The following BICC1 variants were observed in gnomAD, a reference collection of about 807,000 sequenced individuals.
The protein encoded by BICC1 is BicC family RNA binding protein 1.
A neutral mutation model predicts 111.0 loss-of-function variants in BICC1; 43 were observed. That is an observed-to-expected ratio of 0.39 (90% confidence interval 0.30 to 0.50). BICC1 has a LOEUF of 0.50. Ranked by LOEUF, BICC1 falls within the 20% of genes least tolerant of loss-of-function variation. The pLI is 0.88. For missense variants in BICC1, 1,091 were observed against 1,203.2 expected (o/e 0.91, Z 1.38); for synonymous variants, 467 against 434.4 (o/e 1.07, Z -0.93).
chr10:58,633,995 C>T (rs140325424), intron 2 of BICC1, among the ~76,000 whole-genome samples: 36 of 99,826 alleles, frequency 3.6e-4, no homozygotes, highest in East Asian at 1.1e-3. Context: ...TTTTTCTTTT[C>T]TTTTTTTTTT....
intron 15 of BICC1, among the ~76,000 whole-genome samples, chr10:58,804,836 A>G (rs1233453271): frequency 6.6e-6 from 1 of 152,234 alleles, no homozygotes; most frequent in Non-Finnish European, 1.5e-5. Flanking sequence ...ATATTCACTG[A>G]GCATTGACAG....
chr10:58,690,298 AT>A (rs5785338), intron 2 of BICC1, among the ~76,000 whole-genome samples: 39,375 of 152,066 alleles, frequency 0.26, 6,581 homozygotes, highest in African/African-American at 0.48. Flanking sequence ...TGTGAAAGAG[AT>A]ACATTTTTCT....
chr10:58,655,611 CAAT>C (rs1490448122), intron 2 of BICC1, among the ~76,000 whole-genome samples: 1 of 74,384 alleles, frequency 1.3e-5, no homozygotes, highest in East Asian at 3.5e-4. Context: ...TCTAGATATA[CAAT>C]CATGTCGTCT....
chr10:58,706,958 C>T (rs1051441731), intron 3 of BICC1, among the ~76,000 whole-genome samples: 1 of 152,150 alleles, frequency 6.6e-6, no homozygotes, highest in Non-Finnish European at 1.5e-5. Flanking sequence ...ATGAGTGAAG[C>T]TTTATTGCAG....
chr10:58,570,518 G>A (rs562928480), intron 1 of BICC1, among the ~76,000 whole-genome samples: 1 of 152,160 alleles, frequency 6.6e-6, no homozygotes, highest in African/African-American at 2.4e-5. Flanking sequence ...GTTGAAAGAG[G>A]GTGAAGTGAA....
intron 3 of BICC1, among the ~76,000 whole-genome samples, chr10:58,707,720 G>A (rs924664203): frequency 6.6e-6 from 1 of 151,614 alleles, no homozygotes; most frequent in Non-Finnish European, 1.5e-5. Context: ...TATTTGAGAT[G>A]GAGTTTTGCT....
At chr10:58,793,368 T>C in intron 8 of BICC1, 116 bp from the exon 9 acceptor site, 1 of 984,360 alleles carries the variant, frequency 1.0e-6, no homozygotes, top group Non-Finnish European at 1.5e-6. Context: ...GCTTTAATAC[T>C]TCAGTTTAGT....
At chr10:58,716,227 A>G in intron 3 of BICC1, 2 of 1,495,996 alleles carry the variant, frequency 1.3e-6, no homozygotes, top group Non-Finnish European at 1.8e-6. Context: ...AAAAAAGAAT[A>G]AGAAGCATAA....
At chr10:58,769,404 G>GTGTGTATATATATA (rs1050060686) in intron 3 of BICC1, among the ~76,000 whole-genome samples, 1 of 109,760 alleles carries the variant, frequency 9.1e-6, no homozygotes, top group Non-Finnish European at 1.9e-5. Context: ...GTGTGTGTGT[G>GTGTGTATATATATA]TATATATATA....
chr10:58,809,163 C>T (rs574556836), intron 17 of BICC1, among the ~76,000 whole-genome samples: 1 of 151,908 alleles, frequency 6.6e-6, no homozygotes, highest in African/African-American at 2.4e-5. Flanking sequence ...GATGGGATTA[C>T]AGGCATGCGC....
chr10:58,687,896 C>A (rs1839789976), intron 2 of BICC1, among the ~76,000 whole-genome samples: 1 of 152,144 alleles, frequency 6.6e-6, no homozygotes, highest in South Asian at 2.1e-4. Flanking sequence ...AACCCAGTAC[C>A]TCAGTTGGAA....
chr10:58,809,485 C>G (rs1354494998), intron 17 of BICC1, among the ~76,000 whole-genome samples: 1 of 151,980 alleles, frequency 6.6e-6, no homozygotes, highest in Non-Finnish European at 1.5e-5. Flanking sequence ...AGCAATCCAC[C>G]TGCCTCAGCC....
intron 1 of BICC1, among the ~76,000 whole-genome samples, chr10:58,589,727 C>T (rs1403063631): frequency 2.6e-5 from 4 of 152,086 alleles, no homozygotes; most frequent in African/African-American, 9.7e-5. Flanking sequence ...CTTCATGCCT[C>T]GGCTCCCAAA....
At chr10:58,520,876 CAT>C (rs10588445) in intron 1 of BICC1, among the ~76,000 whole-genome samples, 81,731 of 151,576 alleles carry the variant, frequency 0.54, 23,069 homozygotes, top group African/African-American at 0.71. Flanking sequence ...TATGCCCACA[CAT>C]AATTTATTTT....
intron 3 of BICC1, among the ~76,000 whole-genome samples, chr10:58,772,058 A>G (rs1270867870): frequency 6.6e-6 from 1 of 151,930 alleles, no homozygotes; most frequent in Non-Finnish European, 1.5e-5. Flanking sequence ...CTTCACTGTG[A>G]CTCCAGTTTC....
intron 1 of BICC1, among the ~76,000 whole-genome samples, chr10:58,616,638 A>T (rs1307089646): frequency 6.6e-6 from 1 of 152,204 alleles, no homozygotes; most frequent in Admixed American, 6.5e-5. Flanking sequence ...AGACACCAGC[A>T]CAGATAACGT....
rs150164617 is a variant in BICC1, at chr10:58,753,689, GACAC to G, written c.308-31298_308-31295del. ...AGCTAAGTTGGAAAACACACACACA[GACAC>G]ACACACACACACAGTCTCTTTTCTC... On this transcript the variant is annotated intron_variant, in intron 3 of 20. Coordinates refer to ENST00000373886, the MANE Select transcript of BICC1 (RefSeq NM_001080512.3). 5.9e-3 allele frequency among the ~76,000 whole-genome samples: 891 copies of G among 150,162 alleles called. 24 individuals are homozygous for G. In the East Asian group the frequency reaches 0.083, roughly 14 times the overall value.
At chr10:58,725,889 G>A (rs1212187682) in intron 3 of BICC1, among the ~76,000 whole-genome samples, 1 of 152,134 alleles carries the variant, frequency 6.6e-6, no homozygotes. Flanking sequence ...TTATTCTTTT[G>A]GTTAATGTTT....
At chr10:58,710,722 CTT>C (rs1272659234) in intron 3 of BICC1, among the ~76,000 whole-genome samples, 1 of 151,984 alleles carries the variant, frequency 6.6e-6, no homozygotes. Flanking sequence ...TGTTGGTTTT[CTT>C]TTACATGTAT....
Sources: gnomAD v4.1 joint callset for allele counts (sites outside exome capture counted in the v4.1 genomes callset) on GRCh38, gnomAD v4.1.1 for gene constraint, MANE v1.5 for transcripts, NCBI Gene and HGNC (gene_info 2026-07-23, HGNC 2026-07-21) for gene names.